Variants in DACH2 observed in about 807,000 individuals in gnomAD.
DACH2 encodes the protein dachshund homolog 2.
DACH2 carries 17 observed loss-of-function variants against 35.8 expected under a neutral mutation model. That is an observed-to-expected ratio of 0.48 (90% CI 0.33 to 0.71). The LOEUF is 0.71. Among genes scored for constraint, DACH2 ranks in the 30% least tolerant of loss-of-function variants. The probability of loss-of-function intolerance (pLI) is 0.02; values close to 1 mark genes in which losing one functional copy is unlikely to be tolerated. For synonymous variants in DACH2, 195 were observed against 177.3 expected (o/e 1.10, Z -0.79); for missense variants, 469 against 472.7 (o/e 0.99, Z 0.07).
At chrX:86,553,161 C>T (rs1320528162) in intron 3 of DACH2, among the ~76,000 whole-genome samples, 1 of 111,029 alleles carries the variant, frequency 9.0e-6, no homozygotes, top group East Asian at 2.9e-4. Flanking sequence ...GTAGGGAAGC[C>T]GACGGTGCAG....
intron 3 of DACH2, among the ~76,000 whole-genome samples, chrX:86,640,176 G>C (rs1320952082): frequency 9.0e-6 from 1 of 110,874 alleles, no homozygotes; most frequent in Non-Finnish European, 1.9e-5. Context: ...CCTCCAGCCT[G>C]TGCTTCCAGC....
At chrX:86,749,261 C>G (rs908009531) in intron 7 of DACH2, among the ~76,000 whole-genome samples, 3 of 112,038 alleles carry the variant, frequency 2.7e-5, no homozygotes, top group African/African-American at 9.7e-5. Flanking sequence ...GCATTCACAA[C>G]TTGGCTAACT....
intron 7 of DACH2, chrX:86,799,082 C>G: frequency 9.2e-6 from 3 of 325,031 alleles, no homozygotes; most frequent in Non-Finnish European, 1.8e-5. Flanking sequence ...TTATTCATGT[C>G]GTTATGGAGC....
intron 2 of DACH2, among the ~76,000 whole-genome samples, chrX:86,396,206 A>G (rs1476644192): frequency 1.1e-4 from 12 of 105,130 alleles, no homozygotes; most frequent in South Asian, 4.1e-4. Flanking sequence ...GTGTCTGTTC[A>G]TGTCCTTCGC....
chrX:86,497,412 T>C (rs1370470487), intron 2 of DACH2, among the ~76,000 whole-genome samples: 2 of 111,768 alleles, frequency 1.8e-5, no homozygotes, highest in East Asian at 5.7e-4. Context: ...TGGCACAGTA[T>C]CATGGGCATA....
intron 3 of DACH2, among the ~76,000 whole-genome samples, chrX:86,525,245 C>T (rs372773807): frequency 9.0e-6 from 1 of 111,500 alleles, no homozygotes; most frequent in Non-Finnish European, 1.9e-5. Context: ...TCTTCAGGCT[C>T]GTATTGGAAC....
At chrX:86,626,727 T>A (rs906515829) in intron 3 of DACH2, among the ~76,000 whole-genome samples, 2 of 113,039 alleles carry the variant, frequency 1.8e-5, no homozygotes, top group Non-Finnish European at 3.7e-5. Context: ...GCTTGGGGCT[T>A]GCATCTTCTG....
At chrX:86,670,681 T>C (rs1026744481) in intron 4 of DACH2, among the ~76,000 whole-genome samples, 4 of 111,722 alleles carry the variant, frequency 3.6e-5, no homozygotes, top group African/African-American at 1.3e-4. Context: ...GTTCATCCAC[T>C]AATTAGCAGT....
chrX:86,283,182 C>T (rs1474998840), intron 1 of DACH2, among the ~76,000 whole-genome samples: 2 of 109,727 alleles, frequency 1.8e-5, no homozygotes, highest in African/African-American at 6.7e-5. Flanking sequence ...CAATGAAATA[C>T]CATCTCATGC....
chrX:86,323,832 A>G (rs905212843), intron 1 of DACH2, among the ~76,000 whole-genome samples: 6 of 112,118 alleles, frequency 5.4e-5, no homozygotes, highest in Non-Finnish European at 1.1e-4. Flanking sequence ...CCTCCCCAGC[A>G]AGCTTCACAT....
intron 6 of DACH2, among the ~76,000 whole-genome samples, chrX:86,730,534 ATGAAACCACTGGTATC>A (rs1481827414): frequency 8.9e-6 from 1 of 112,132 alleles, no homozygotes; most frequent in East Asian, 2.8e-4. Context: ...ATTGAATCAG[ATGAAACCACTGGTATC>A]TGGTTTAAAA....
chrX:86,453,449 GT>G (rs769719609), intron 2 of DACH2, among the ~76,000 whole-genome samples: 1 of 111,439 alleles, frequency 9.0e-6, no homozygotes, highest in Non-Finnish European at 1.9e-5. Flanking sequence ...GGGAGTATAA[GT>G]TTTTTTGTAG....
intron 3 of DACH2, among the ~76,000 whole-genome samples, chrX:86,594,219 A>G (rs1361213996): frequency 1.8e-5 from 2 of 111,075 alleles, no homozygotes; most frequent in Non-Finnish European, 3.8e-5. Flanking sequence ...TATATTAGTA[A>G]TTTATGTGAT....
intron 2 of DACH2, among the ~76,000 whole-genome samples, chrX:86,439,084 A>C (rs1424668801): frequency 8.9e-6 from 1 of 112,185 alleles, no homozygotes; most frequent in Admixed American, 9.4e-5. Flanking sequence ...AATAATGGCT[A>C]TTCTAACCAG....
intron 3 of DACH2, among the ~76,000 whole-genome samples, chrX:86,585,664 A>G (rs774587160): frequency 1.4e-4 from 15 of 111,047 alleles, no homozygotes; most frequent in Admixed American, 5.8e-4. Flanking sequence ...GTGTGGTGGT[A>G]TTCAATTTTC....
At chrX:86,327,030 C>G (rs1292652237) in intron 1 of DACH2, among the ~76,000 whole-genome samples, 1 of 111,835 alleles carries the variant, frequency 8.9e-6, no homozygotes, top group Non-Finnish European at 1.9e-5. Flanking sequence ...ACACTTAAAT[C>G]TGTATGAGTG....
At chrX:86,820,618 T>G (rs1330593561) in intron 11 of DACH2, among the ~76,000 whole-genome samples, 2 of 111,357 alleles carry the variant, frequency 1.8e-5, no homozygotes, top group African/African-American at 6.5e-5. Flanking sequence ...GTCATTTGAC[T>G]GCAAAAGCAG....
intron 1 of DACH2, 57 bp from the exon 2 acceptor site, chrX:86,376,767 C>G (rs1364812676): frequency 9.1e-7 from 1 of 1,101,636 alleles, no homozygotes; most frequent in African/African-American, 1.9e-5. Context: ...GCTAACTAAC[C>G]AGAACTCTCA....
rs372111590 is a variant in DACH2 at position 86,649,424 on chromosome X, T to A, written c.641-1612T>A. On this transcript the variant is annotated intron_variant, in intron 3 of 11. Transcript: ENST00000373125. ...TTGATTATGAGGCACCCAGTCATGGTGATCCTAAGCAATGTCCATTTGTTT... is the reference window on the plus strand; with the variant it reads ...TTGATTATGAGGCACCCAGTCATGGAGATCCTAAGCAATGTCCATTTGTTT... Among the ~76,000 whole-genome samples the A allele has an allele frequency of 7.2e-4, 80 of 111,153 alleles. 2 individuals carry two copies. In the South Asian group the frequency reaches 0.028, roughly 38 times the overall value.
Sources: allele counts gnomAD v4.1 joint callset (sites outside exome capture counted in the v4.1 genomes callset), GRCh38; gene constraint gnomAD v4.1.1; transcripts MANE v1.5; gene names NCBI Gene and HGNC (gene_info 2026-07-23, HGNC 2026-07-21).